Variants in HEXD observed in about 807,000 individuals in gnomAD.
HEXD encodes hexosaminidase D.
In HEXD, 47 loss-of-function variants were observed where a neutral mutation model predicts 54.2. That is an observed-to-expected ratio of 0.87 (90% CI 0.69 to 1.11). HEXD has a LOEUF of 1.11. HEXD is among the 50% of genes least tolerant of loss of function. HEXD has a pLI of 0.00. For synonymous variants in HEXD, 293 were observed against 287.6 expected, an observed-to-expected ratio of 1.02 and a Z score of -0.19; for missense variants, 576 against 649.2, an observed-to-expected ratio of 0.89 and a Z score of 1.23.
chr17:82,424,385 AC>A lies in HEXD; in HGVS notation c.85-3del, dbSNP rs781504617. 2.5e-6 allele frequency: 4 copies of A among 1,600,002 alleles called. No individual in the cohort carries two copies. Among genetic ancestry groups the A allele is most frequent in the Admixed American group, 3.3e-5 (2 of 59,884 alleles). On this transcript the variant is annotated splice_region_variant and splice_polypyrimidine_tract_variant and intron_variant, in intron 2 of 12. Transcript: ENST00000327949. ...ACTTCTTCCTAACCCCTCCCTGTTT[AC>A]CCCCCAGATTTTTCCTCTGTTCCGT...
intron 2 of HEXD, among the ~76,000 whole-genome samples, chr17:82,421,357 C>T (rs1043337222): frequency 6.6e-6 from 1 of 152,166 alleles, no homozygotes; most frequent in Non-Finnish European, 1.5e-5. Flanking sequence ...TTGAACTGGG[C>T]AGGAACAGCG....
intron 2 of HEXD, among the ~76,000 whole-genome samples, chr17:82,422,146 AC>A (rs1555615512): frequency 6.6e-6 from 1 of 150,708 alleles, no homozygotes. Context: ...AGCCTGGGTG[AC>A]AAGAGTGAGA....
Position 82,418,540 on chromosome 17 carries a change from A to G in HEXD, c.-252A>G. The G allele has an allele frequency of 9.5e-7, 1 of 1,048,854 alleles. No individual in the cohort carries two copies. The highest frequency in any genetic ancestry group is 2.4e-5 in the South Asian group (1 of 41,998). 65.0% of individuals were successfully genotyped at this position (1,048,854 alleles called of 1,614,324 possible). On this transcript the variant is annotated 5_prime_UTR_variant, in exon 1 of 13. Transcript: ENST00000327949. ...ACGCGGGCGCCAGGCCCGGGGACGA[A>G]CGCCGTAACAGGGAGCGCGAGGCAG...
Position 82,424,392 on chromosome 17 carries a change from A to G in HEXD, c.85-2A>G. 6.2e-7 allele frequency: 1 copy of G among 1,610,924 alleles called. No homozygotes were observed. The highest frequency in any genetic ancestry group is 8.5e-7 in the Non-Finnish European group (1 of 1,177,192). ...CCTAACCCCTCCCTGTTTACCCCCC[A>G]GATTTTTCCTCTGTTCCGTGCGCTA... On this transcript the variant is annotated splice_acceptor_variant, in intron 2 of 12. Transcript: ENST00000327949. LOFTEE classifies it high-confidence loss of function.
chr17:82,418,548 A>C lies in HEXD; in HGVS notation c.-244A>C. 1.1e-6 allele frequency: 1 copy of C among 951,708 alleles called. No individual in the cohort carries two copies. Among genetic ancestry groups the C allele is most frequent in the Non-Finnish European group, 1.4e-6 (1 of 720,602 alleles). 59.0% of individuals were successfully genotyped at this position (951,708 alleles called of 1,614,324 possible). ...GCCAGGCCCGGGGACGAACGCCGTA[A>C]CAGGGAGCGCGAGGCAGGCACGGCG... On this transcript the variant is annotated 5_prime_UTR_variant, in exon 1 of 13. Coordinates refer to ENST00000327949, the MANE Select transcript of HEXD (RefSeq NM_001330542.2).
intron 4 of HEXD, among the ~76,000 whole-genome samples, chr17:82,429,762 G>A (rs752282353): frequency 7.9e-5 from 12 of 152,004 alleles, no homozygotes; most frequent in Non-Finnish European, 1.6e-4. Flanking sequence ...TGTAGCTGGC[G>A]GTCCCCAGGG....
At chr17:82,440,076 T>C (rs1175230904) in intron 9 of HEXD, 1 of 1,296,216 alleles carries the variant, frequency 7.7e-7, no homozygotes, top group Non-Finnish European at 1.0e-6. Flanking sequence ...CGCCCGGCCC[T>C]GGAAGGCCCC....
At position 82,442,105 on chromosome 17, in the gene HEXD, C is replaced by T; in HGVS notation, c.1254-72C>T. ...TTCACAGGTGAACTGAGGCACAGGGCAGTACTGACCATGGGGCTGAGGGCA... is the reference window on the plus strand; with the variant it reads ...TTCACAGGTGAACTGAGGCACAGGGTAGTACTGACCATGGGGCTGAGGGCA... On this transcript the variant is annotated intron_variant, in intron 12 of 12. Coordinates refer to ENST00000327949, the MANE Select transcript of HEXD (RefSeq NM_001330542.2). This position sits in a 1 kb window ranked among gnomAD's most constrained non-coding sequence, Gnocchi z 6.8. 6.6e-7 allele frequency: 1 copy of T among 1,521,432 alleles called. No individual in the cohort carries two copies. Among genetic ancestry groups the T allele is most frequent in the South Asian group, 1.2e-5 (1 of 84,000 alleles). The allele number at this position is 1,521,432 out of a possible 1,614,324, so 94.2% of individuals were successfully genotyped here. A position where few individuals can be genotyped will look rare whatever the true frequency, so the allele number is the denominator to read the frequency against.
chr17:82,428,838 C>T lies in HEXD; in HGVS notation c.282+193C>T, dbSNP rs181076539. 7.2e-5 allele frequency among the ~76,000 whole-genome samples: 11 copies of T among 152,270 alleles called. No individual in the cohort carries two copies. The South Asian group carries it at 1.7e-3, about 23-fold the overall frequency. ...ACTCGGCCAGAGCTGCAGGTTGGGGCTGCCTGTCTGCCTGAGGAATGGAAG... is the reference window on the plus strand; with the variant it reads ...ACTCGGCCAGAGCTGCAGGTTGGGGTTGCCTGTCTGCCTGAGGAATGGAAG... On this transcript the variant is annotated intron_variant, in intron 4 of 12. Coordinates refer to ENST00000327949, the MANE Select transcript of HEXD (RefSeq NM_001330542.2).
chr17:82,439,223 G>A (rs1054636122), intron 8 of HEXD, among the ~76,000 whole-genome samples: 1 of 152,236 alleles, frequency 6.6e-6, no homozygotes, highest in African/African-American at 2.4e-5. Flanking sequence ...GCAGCCGAGG[G>A]AGAGGGTGGG....
intron 2 of HEXD, among the ~76,000 whole-genome samples, chr17:82,421,857 T>G (rs917318039): frequency 2.7e-5 from 4 of 150,834 alleles, no homozygotes; most frequent in African/African-American, 7.3e-5. Context: ...AAAAAGAGTG[T>G]TGTTTAACAT....
chr17:82,425,218 GGGCTAGAGAAGGCCGGAGGA>G (rs1251663445), intron 3 of HEXD, among the ~76,000 whole-genome samples: 1 of 144,430 alleles, frequency 6.9e-6, no homozygotes, highest in Non-Finnish European at 1.5e-5. Context: ...GGAGGAGGCT[GGGCTAGAGAAGGCCGGAGGA>G]GGCTAGAGAA....
At position 82,435,208 on chromosome 17, in the gene HEXD, C is replaced by T. The variant is rs146818758; in HGVS notation, c.448-481C>T. The stretch of plus-strand genomic sequence containing the variant: ...CTCTTCCAGACATTCATGGTGTGGG[C>T]AATCACCCCAGGGCAAGCCCCGCAC... On this transcript the variant is annotated intron_variant, in intron 5 of 12. Coordinates refer to ENST00000327949, the MANE Select transcript of HEXD (RefSeq NM_001330542.2). 4.0e-3 allele frequency among the ~76,000 whole-genome samples: 610 copies of T among 152,238 alleles called. 2 individuals are homozygous for T. The highest frequency in any genetic ancestry group is 0.017 in the Middle Eastern group (5 of 294).
rs550647816 is a variant in HEXD, at chr17:82,432,991, G to A, written c.283-667G>A. Among the ~76,000 whole-genome samples, 97 of 142,058 alleles carry A rather than the reference G, an allele frequency of 6.8e-4. 2 individuals carry two copies. The highest frequency in any genetic ancestry group is 1.1e-3 in the Admixed American group (16 of 14,046). The allele number at this position is 142,058 out of a possible 152,430, so 93.2% of individuals were successfully genotyped here. On this transcript the variant is annotated intron_variant, in intron 4 of 12. Coordinates refer to ENST00000327949, the MANE Select transcript of HEXD (RefSeq NM_001330542.2). ...TGAGGCAGGAGAATGGTGTGAACCT[G>A]GGAGGCAGAGCTTGTAGTGAGCCGA...
rs761468328 is a variant in HEXD, at chr17:82,436,647, C to A, written c.632-20C>A. ...TGTGGTCCAGGTGTCTCACCAACCT[C>A]ACGTCCGCTCTGTCTGCAGCGTCCG... On this transcript the variant is annotated intron_variant, in intron 6 of 12. Transcript: ENST00000327949. The A allele has an allele frequency of 1.9e-6, 3 of 1,600,124 alleles. No homozygotes were observed. In the South Asian group the frequency reaches 3.4e-5, roughly 18 times the overall value.
chr17:82,428,061 C>T lies in HEXD; in HGVS notation c.195-497C>T, dbSNP rs566439331. ...GTGCAGTGGTGCGATCTTGGCTCAC[C>T]GCGAACTCTGCCTCCCGGGTTCAAG... On this transcript the variant is annotated intron_variant, in intron 3 of 12. Coordinates refer to ENST00000327949, the MANE Select transcript of HEXD (RefSeq NM_001330542.2). 12 of 153,292 alleles carry T rather than the reference C, an allele frequency of 7.8e-5. No homozygotes were observed. In the South Asian group the frequency reaches 1.4e-3, roughly 18 times the overall value. The allele number at this position is 153,292 out of a possible 1,614,324, so 9.5% of individuals were successfully genotyped here.
chr17:82,439,826 A>G, intron 9 of HEXD, 113 bp downstream of exon 9: 1 of 1,581,174 alleles, frequency 6.3e-7, no homozygotes, highest in Non-Finnish European at 8.5e-7. Flanking sequence ...GGTGGTCCTC[A>G]CAGTCGGAGG....
At chr17:82,428,737 G>A (rs904699279) in intron 4 of HEXD, 92 bp downstream of exon 4, 101 of 1,085,246 alleles carry the variant, frequency 9.3e-5, no homozygotes, top group Non-Finnish European at 1.3e-4. Flanking sequence ...TGGGTGCAGC[G>A]GGCCCATGGT....
In HEXD at chr17:82,442,525, C is replaced by A; in HGVS notation, c.*141C>A. On this transcript the variant is annotated 3_prime_UTR_variant, in exon 13 of 13. Coordinates refer to ENST00000327949, the MANE Select transcript of HEXD (RefSeq NM_001330542.2). This position sits in a 1 kb window ranked among gnomAD's most constrained non-coding sequence, Gnocchi z 6.8. ...TGCCCACACTCAGTTCCTGAGGGCC[C>A]TGGGCAGCCCCTGGGGGAGAGACTA... is the stretch of plus-strand genomic sequence containing the variant. 1.9e-6 allele frequency: 3 copies of A among 1,591,462 alleles called. No individual in the cohort carries two copies. The highest frequency in any genetic ancestry group is 2.6e-6 in the Non-Finnish European group (3 of 1,161,568).
Sources: gnomAD v4.1 joint callset for allele counts (sites outside exome capture counted in the v4.1 genomes callset) on GRCh38, gnomAD v4.1.1 for gene constraint, Gnocchi (gnomAD v3.1) non-coding constraint, MANE v1.5 for transcripts, NCBI Gene and HGNC (gene_info 2026-07-23, HGNC 2026-07-21) for gene names.